Variants in ABCC2 observed in about 807,000 individuals in gnomAD.
ABCC2 encodes ATP binding cassette subfamily C member 2, also known as ATP-binding cassette sub-family C member 2.
Under a neutral mutation model 173.4 loss-of-function variants are expected in ABCC2, and 157 were observed. The observed-to-expected ratio is 0.91, with a 90% CI of 0.80 to 1.03. The LOEUF (loss-of-function observed/expected upper bound fraction) is 1.03, where lower values mean the gene tolerates loss of function less well. Ranked by LOEUF, ABCC2 falls within the 50% of genes least tolerant of loss-of-function variation. The probability of loss-of-function intolerance (pLI) is 0.00; values close to 1 mark genes in which losing one functional copy is unlikely to be tolerated. For synonymous variants in ABCC2, 657 were observed against 693.5 expected (o/e 0.95, Z 0.83); for missense variants, 1,822 against 1,852.3 (o/e 0.98, Z 0.30).
intron 2 of ABCC2, among the ~76,000 whole-genome samples, chr10:99,785,080 A>G (rs1196169155): frequency 6.6e-6 from 1 of 152,226 alleles, no homozygotes; most frequent in East Asian, 1.9e-4. Flanking sequence ...TGAACACTGG[A>G]TCACCTGTCT....
In ABCC2 at chr10:99,814,154, TATACACAC is replaced by T. The variant is rs1399448735; in HGVS notation, c.2094+1011_2094+1018del. ...GTGTGTATATATACACACATGTATG[TATACACAC>T]GTATATATACACACATGTATGTATA... On this transcript the variant is annotated intron_variant, in intron 16 of 31. Transcript: ENST00000647814. 9.5e-3 allele frequency among the ~76,000 whole-genome samples: 279 copies of T among 29,418 alleles called. 17 individuals carry two copies. The highest frequency in any genetic ancestry group is 0.034 in the African/African-American group (242 of 7,150). 19.3% of individuals were successfully genotyped at this position (29,418 alleles called of 152,430 possible).
chr10:99,815,969 GTT>G (rs552969751), intron 16 of ABCC2, among the ~76,000 whole-genome samples: 5 of 135,346 alleles, frequency 3.7e-5, no homozygotes, highest in Non-Finnish European at 3.2e-5. Flanking sequence ...TTCTGGTCTT[GTT>G]TTTTTTTTTT....
chr10:99,851,492 C>G lies in ABCC2; in HGVS notation c.4509-10C>G, dbSNP rs374591431. On this transcript the variant is annotated splice_polypyrimidine_tract_variant and intron_variant, in intron 31 of 31. Coordinates refer to ENST00000647814, the MANE Select transcript of ABCC2 (RefSeq NM_000392.5). ...TTCTAAGACTTTTATTTCTTTCTTC[C>G]TTGTTTCAGGGTAATGGTCCTAGAC... 1.2e-6 allele frequency: 2 copies of G among 1,613,778 alleles called. No homozygotes were observed. The highest frequency in any genetic ancestry group is 1.3e-5 in the African/African-American group (1 of 74,840).
At position 99,800,438 on chromosome 10, in the gene ABCC2, C is replaced by A; in HGVS notation, c.1084C>A (p.Leu362Ile). The A allele has an allele frequency of 1.9e-6, 3 of 1,614,172 alleles. No homozygotes were observed. The highest frequency in any genetic ancestry group is 2.5e-6 in the Non-Finnish European group (3 of 1,180,030). ...DRDTYLWIGY[L>I]CAILLFTAAL... ...TGACACATATTTGTGGATTGGATAT[C>A]TCTGTGCAATCCTCTTATTCACTGC... Residue 362 changes from leucine to isoleucine, a missense_variant, in exon 9 of 32, where the codon CTC (leucine) becomes ATC (isoleucine). Transcript: ENST00000647814.
intron 2 of ABCC2, among the ~76,000 whole-genome samples, chr10:99,790,912 G>A (rs2037801258): frequency 6.6e-6 from 1 of 152,114 alleles, no homozygotes; most frequent in Admixed American, 6.5e-5. Flanking sequence ...ATGAATAAGG[G>A]TAGATGGATA....
In ABCC2 at chr10:99,788,046, G is replaced by A. The variant is rs542925683; in HGVS notation, c.207+3265G>A. ...CACACCACTGCACTTCAGCCTGGGC[G>A]ACAGAGGTAGACCCTGTCTCAAAAA... On this transcript the variant is annotated intron_variant, in intron 2 of 31. Coordinates refer to ENST00000647814, the MANE Select transcript of ABCC2 (RefSeq NM_000392.5). Among the ~76,000 whole-genome samples, 148 of 146,720 alleles carry A rather than the reference G, an allele frequency of 1.0e-3. 1 individual carries two copies. The highest frequency in any genetic ancestry group is 3.4e-3 in the African/African-American group (133 of 39,410).
intron 19 of ABCC2, among the ~76,000 whole-genome samples, chr10:99,829,506 C>T (rs1025150670): frequency 6.6e-6 from 1 of 151,894 alleles, no homozygotes; most frequent in African/African-American, 2.4e-5. Context: ...TCTGGAGGTT[C>T]CTATTCTACC....
chr10:99,842,930 G>A (rs1050695252), intron 26 of ABCC2, among the ~76,000 whole-genome samples: 13 of 152,060 alleles, frequency 8.5e-5, no homozygotes, highest in Admixed American at 6.6e-4. Context: ...ATGAGTGTCT[G>A]TAATCCCAGC....
intron 3 of ABCC2, among the ~76,000 whole-genome samples, chr10:99,792,861 GAC>G (rs760517771): frequency 3.4e-4 from 52 of 152,296 alleles, no homozygotes; most frequent in South Asian, 8.3e-4. Context: ...GGCAACTAAT[GAC>G]ACATAATTAT....
rs577168329 is a variant in ABCC2 at position 99,845,530 on chromosome 10, C to T, written c.3988-94C>T. 77 of 1,490,816 alleles carry T rather than the reference C, an allele frequency of 5.2e-5. 1 individual carries two copies. The highest frequency in any genetic ancestry group is 9.1e-5 in the South Asian group (8 of 87,934). 92.3% of individuals were successfully genotyped at this position (1,490,816 alleles called of 1,614,324 possible). ...TTAGAGATGGAGTAGCCAGTCACTG[C>T]CTCTTACCTCCTGTGACTGTGAATG... On this transcript the variant is annotated intron_variant, in intron 28 of 31. Coordinates refer to ENST00000647814, the MANE Select transcript of ABCC2 (RefSeq NM_000392.5).
At position 99,850,564 on chromosome 10, in the gene ABCC2, T is replaced by C. The variant is rs753357831; in HGVS notation, c.4314-38T>C. On this transcript the variant is annotated intron_variant, in intron 30 of 31. Coordinates refer to ENST00000647814, the MANE Select transcript of ABCC2 (RefSeq NM_000392.5). ...CCCTGCCCTGCGTCTTTCCTTGGTCTTTAGGAGCTAACACATGGTTGCTTC... is the reference window on the plus strand; with the variant it reads ...CCCTGCCCTGCGTCTTTCCTTGGTCCTTAGGAGCTAACACATGGTTGCTTC... The C allele has an allele frequency of 2.5e-6, 4 of 1,607,000 alleles. No homozygotes were observed. The East Asian group carries it at 8.9e-5, about 36-fold the overall frequency.
At chr10:99,847,842 C>T (rs963425503) in intron 30 of ABCC2, among the ~76,000 whole-genome samples, 4 of 151,978 alleles carry the variant, frequency 2.6e-5, no homozygotes, top group African/African-American at 9.7e-5. Flanking sequence ...TGCTTGAACC[C>T]GGGAGGCGGA....
rs572304978 is a variant in ABCC2 at position 99,814,737 on chromosome 10, GTGTATA to G, written c.2094+1599_2094+1604del. Among the ~76,000 whole-genome samples the G allele has an allele frequency of 4.1e-3, 583 of 142,772 alleles. 5 individuals are homozygous for G. Among genetic ancestry groups the G allele is most frequent in the Non-Finnish European group, 6.3e-3 (405 of 64,618 alleles). The allele number at this position is 142,772 out of a possible 152,430, so 93.7% of individuals were successfully genotyped here. On this transcript the variant is annotated intron_variant, in intron 16 of 31. Coordinates refer to ENST00000647814, the MANE Select transcript of ABCC2 (RefSeq NM_000392.5). ...TGTATATACACATATGTGTGTGTAT[GTGTATA>G]TGTATGTATATACACACACATATAT... is the stretch of plus-strand genomic sequence containing the variant.
chr10:99,817,306 A>G lies in ABCC2; in HGVS notation c.2095-2A>G. 6.2e-7 allele frequency: 1 copy of G among 1,614,056 alleles called. No individual in the cohort carries two copies. Among genetic ancestry groups the G allele is most frequent in the Non-Finnish European group, 8.5e-7 (1 of 1,179,976 alleles). On this transcript the variant is annotated splice_acceptor_variant, in intron 16 of 31. Coordinates refer to ENST00000647814, the MANE Select transcript of ABCC2 (RefSeq NM_000392.5). LOFTEE classifies it high-confidence loss of function. Reference sequence around the variant, plus strand: ...AACATGATCTGATCCTTTTTCATCTAGGGCACCACTGCCTATGTCCCACAG... The same window carrying G: ...AACATGATCTGATCCTTTTTCATCTGGGGCACCACTGCCTATGTCCCACAG...
chr10:99,804,307 T>G (rs779619322), intron 10 of ABCC2, 34 bp downstream of exon 10: 1 of 1,613,154 alleles, frequency 6.2e-7, no homozygotes, highest in Non-Finnish European at 8.5e-7. Context: ...AATATAAGCT[T>G]TCTTTAAAGT....
rs755119697 is a variant in ABCC2 at position 99,818,976 on chromosome 10, T to C, written c.2439+19T>C. ...AGGCAAGGTGAGAAATCATTGAACA[T>C]GATGAAGATATAAAGGTGGGGTGGG... On this transcript the variant is annotated intron_variant, in intron 18 of 31. Transcript: ENST00000647814. 5 of 1,613,588 alleles carry C rather than the reference T, an allele frequency of 3.1e-6. No homozygotes were observed. In the Admixed American group the frequency reaches 6.7e-5, roughly 22 times the overall value.
In ABCC2 at chr10:99,830,724, C is replaced by T; in HGVS notation, c.2756C>T (p.Ser919Phe). 1 of 1,614,050 alleles carries T rather than the reference C, an allele frequency of 6.2e-7. No homozygotes were observed. The highest frequency in any genetic ancestry group is 1.3e-5 in the African/African-American group (1 of 74,984). ...FRRTLSRSSR[S>F]NGRHLKSLRN... Reference sequence around the variant, plus strand: ...AAGCTTCCCTCTCTCAGTTCTAGGTCCAATGGCAGGCATCTGAAGTCCCTG... The same window carrying T: ...AAGCTTCCCTCTCTCAGTTCTAGGTTCAATGGCAGGCATCTGAAGTCCCTG... Residue 919 changes from serine (S) to phenylalanine (F), a missense_variant, in exon 21 of 32, where the codon TCC becomes TTC. Coordinates refer to ENST00000647814, the MANE Select transcript of ABCC2 (RefSeq NM_000392.5).
intron 1 of ABCC2, 124 bp downstream of exon 1, chr10:99,783,001 AG>A: frequency 1.1e-6 from 1 of 898,122 alleles, no homozygotes; most frequent in East Asian, 2.6e-5. Context: ...TCTAAAGCTC[AG>A]GCTTTTTAGA....
At chr10:99,814,164 T>TGTATATACACACATATGTGTGC (rs1564683335) in intron 16 of ABCC2, among the ~76,000 whole-genome samples, 1 of 125,056 alleles carries the variant, frequency 8.0e-6, no homozygotes, top group African/African-American at 3.2e-5. Flanking sequence ...TATACACACG[T>TGTATATACACACATATGTGTGC]ATATATACAC....
Sources: gnomAD v4.1 joint callset for allele counts (sites outside exome capture counted in the v4.1 genomes callset) on GRCh38, gnomAD v4.1.1 for gene constraint, MANE v1.5 for transcripts, NCBI Gene and HGNC (gene_info 2026-07-23, HGNC 2026-07-21) for gene names.